Variants in CLDN18 observed in about 807,000 individuals in gnomAD.
The protein encoded by CLDN18 is claudin 18, also known as claudin-18.
In CLDN18, 20 loss-of-function variants were observed where a neutral mutation model predicts 25.0. The observed-to-expected ratio is 0.80, with a 90% CI of 0.56 to 1.16. CLDN18 has a LOEUF of 1.16. CLDN18 is among the 50% of genes most tolerant of loss of function. The probability of loss-of-function intolerance (pLI) is 0.00; values close to 1 mark genes in which losing one functional copy is unlikely to be tolerated. For synonymous variants in CLDN18, 125 were observed against 135.6 expected (o/e 0.92, Z 0.54); for missense variants, 297 against 345.4 (o/e 0.86, Z 1.11).
intron 1 of CLDN18, among the ~76,000 whole-genome samples, chr3:138,003,858 A>G (rs1942041967): frequency 6.6e-6 from 1 of 152,298 alleles, no homozygotes; most frequent in Admixed American, 6.5e-5. Flanking sequence ...GCCTGTATTA[A>G]TATACATAAC....
chr3:138,021,478 G>C (rs190642684), intron 1 of CLDN18, among the ~76,000 whole-genome samples: 1 of 152,202 alleles, frequency 6.6e-6, no homozygotes. Context: ...AGCCTCATTA[G>C]GGTTTTGTTT....
chr3:138,021,556 G>T (rs1942270290), intron 1 of CLDN18, among the ~76,000 whole-genome samples: 1 of 152,052 alleles, frequency 6.6e-6, no homozygotes, highest in Admixed American at 6.5e-5. Flanking sequence ...ATCTCCAAGA[G>T]TTGGAATAAC....
chr3:138,017,703 TA>T (rs1202931425), intron 1 of CLDN18, among the ~76,000 whole-genome samples: 1 of 152,250 alleles, frequency 6.6e-6, no homozygotes, highest in Non-Finnish European at 1.5e-5. Context: ...AAGTTAGTTA[TA>T]AAGTTGGGGA....
rs774923871 is a variant in CLDN18, at chr3:138,010,183, G to GGGCGGCAGCTTCTCGCA, written c.-34_-18dup. 1.4e-5 allele frequency: 22 copies of GGGCGGCAGCTTCTCGCA among 1,598,428 alleles called. No homozygotes were observed. In the South Asian group the frequency reaches 2.1e-4, roughly 16 times the overall value. The stretch of plus-strand genomic sequence containing the variant: ...TAGCTTCACACCTTCGGCAGCAGGA[G>GGGCGGCAGCTTCTCGCA]GGCGGCAGCTTCTCGCAGGCGGCAG... On this transcript the variant is annotated 5_prime_UTR_variant, in exon 1 of 5. Coordinates refer to ENST00000183605, the MANE Select transcript of CLDN18 (RefSeq NM_016369.4).
rs756927400 is a variant in CLDN18, at chr3:138,031,163, G to A, written c.*22G>A. On this transcript the variant is annotated 3_prime_UTR_variant, in exon 5 of 5. Coordinates refer to ENST00000183605, the MANE Select transcript of CLDN18 (RefSeq NM_016369.4). Reference sequence around the variant, plus strand: ...GTAATGCTCTAAGACCTCTCAGCACGGGCGGAAGAAACTCCCGGAGAGCTC... The same window carrying A: ...GTAATGCTCTAAGACCTCTCAGCACAGGCGGAAGAAACTCCCGGAGAGCTC... The A allele has an allele frequency of 8.9e-6, 14 of 1,567,934 alleles. No homozygotes were observed. Among genetic ancestry groups the A allele is most frequent in the African/African-American group, 8.1e-5 (6 of 73,726 alleles).
intron 1 of CLDN18, among the ~76,000 whole-genome samples, chr3:137,999,790 T>C (rs1941996609): frequency 6.6e-6 from 1 of 152,228 alleles, no homozygotes. Context: ...GCATATTCAA[T>C]ACACAAGGAT....
intron 1 of CLDN18, among the ~76,000 whole-genome samples, 165 bp from the exon 2 acceptor site, chr3:138,023,493 C>G (rs1388083912): frequency 6.6e-6 from 1 of 152,254 alleles, no homozygotes; most frequent in Non-Finnish European, 1.5e-5. Context: ...TCCCACAATT[C>G]CACATCCTTT....
exon 1 of CLDN18, chr3:137,998,841 T>C: frequency 6.2e-7 from 1 of 1,609,574 alleles, no homozygotes; most frequent in Non-Finnish European, 8.5e-7. Flanking sequence ...ACTTGTCGTG[T>C]GGCTCTGTGT....
At chr3:138,017,811 A>G (rs1208394273) in intron 1 of CLDN18, among the ~76,000 whole-genome samples, 2 of 152,242 alleles carry the variant, frequency 1.3e-5, no homozygotes, top group Admixed American at 6.5e-5. Context: ...CAAACATCTA[A>G]ATGTTTACAC....
rs888552509 is a variant in CLDN18 at position 138,031,677 on chromosome 3, C to T, written c.*536C>T. ...TTGTAATCTCTCCAGCCCATGATCT[C>T]GGTTTTCTTACACTGTGATCTTAAA... is the stretch of plus-strand genomic sequence containing the variant. On this transcript the variant is annotated 3_prime_UTR_variant, in exon 5 of 5. Coordinates refer to ENST00000183605, the MANE Select transcript of CLDN18 (RefSeq NM_016369.4). The T allele has an allele frequency of 5.9e-5, 9 of 152,164 alleles. No homozygotes were observed. The highest frequency in any genetic ancestry group is 2.2e-4 in the African/African-American group (9 of 41,436). 9.4% of individuals were successfully genotyped at this position (152,164 alleles called of 1,614,324 possible).
upstream of CLDN18, among the ~76,000 whole-genome samples, chr3:138,007,406 A>G (rs1449941182): frequency 6.6e-6 from 1 of 152,232 alleles, no homozygotes; most frequent in Non-Finnish European, 1.5e-5. Context: ...ACATGGATGA[A>G]GCTAGAAGCC....
intron 3 of CLDN18, among the ~76,000 whole-genome samples, chr3:138,025,556 G>T (rs1220404451): frequency 1.3e-5 from 2 of 152,090 alleles, no homozygotes; most frequent in Non-Finnish European, 2.9e-5. Flanking sequence ...GAGAGGGAGG[G>T]TGTGATAAAT....
At chr3:138,020,861 C>G (rs1270514735) in intron 1 of CLDN18, among the ~76,000 whole-genome samples, 1 of 152,156 alleles carries the variant, frequency 6.6e-6, no homozygotes, top group Non-Finnish European at 1.5e-5. Flanking sequence ...ATCCTTGTAC[C>G]TTGATGGAAG....
At chr3:138,011,263 G>A (rs1453078152) in intron 1 of CLDN18, among the ~76,000 whole-genome samples, 1 of 152,194 alleles carries the variant, frequency 6.6e-6, no homozygotes, top group African/African-American at 2.4e-5. Context: ...AGATGTGAGT[G>A]TGATGGAGAA....
exon 1 of CLDN18, chr3:137,998,953 C>A (rs766478219): frequency 1.9e-6 from 3 of 1,614,188 alleles, no homozygotes; most frequent in Admixed American, 1.7e-5. Context: ...CTGCATGGAC[C>A]AGTGGAGCAC....
At chr3:138,005,322 A>T (rs1011763036), upstream of CLDN18, among the ~76,000 whole-genome samples, 4 of 152,144 alleles carry the variant, frequency 2.6e-5, no homozygotes, top group African/African-American at 9.7e-5. Flanking sequence ...TACATGTGCC[A>T]TAGTGGTTTG....
rs1031605560 is a variant in CLDN18 at position 138,031,790 on chromosome 3, A to G, written c.*649A>G. 6.6e-6 allele frequency: 1 copy of G among 152,210 alleles called. No individual in the cohort carries two copies. The highest frequency in any genetic ancestry group is 1.5e-5 in the Non-Finnish European group (1 of 68,038). The allele number at this position is 152,210 out of a possible 1,614,324, so 9.4% of individuals were successfully genotyped here. A position where few individuals can be genotyped will look rare whatever the true frequency, so the allele number is the denominator to read the frequency against. On this transcript the variant is annotated 3_prime_UTR_variant, in exon 5 of 5. Coordinates refer to ENST00000183605, the MANE Select transcript of CLDN18 (RefSeq NM_016369.4). ...CTTCTTATTACAGCAACACCATTCT[A>G]GGAGTTTCCTGAGCTCTCCACTGGA...
intron 1 of CLDN18, among the ~76,000 whole-genome samples, chr3:138,014,937 G>A (rs1055414098): frequency 1.3e-5 from 2 of 152,076 alleles, no homozygotes; most frequent in Non-Finnish European, 2.9e-5. Context: ...AGACCAGCCT[G>A]GGCAACAAAA....
chr3:138,015,820 A>G (rs1942196396), intron 1 of CLDN18, among the ~76,000 whole-genome samples: 1 of 152,184 alleles, frequency 6.6e-6, no homozygotes, highest in African/African-American at 2.4e-5. Flanking sequence ...AATCTCACTT[A>G]ACTTTTCATT....
Sources: gnomAD v4.1 joint callset for allele counts (sites outside exome capture counted in the v4.1 genomes callset) on GRCh38, gnomAD v4.1.1 for gene constraint, MANE v1.5 for transcripts, NCBI Gene and HGNC (gene_info 2026-07-23, HGNC 2026-07-21) for gene names.